MCTP1: variants seen among roughly 807,000 people sequenced by gnomAD.
MCTP1 encodes multiple C2 and transmembrane domain containing 1.
MCTP1 carries 69 observed loss-of-function variants against 120.6 expected under a neutral mutation model. That is an observed-to-expected ratio of 0.57 (90% CI 0.47 to 0.70). The LOEUF (loss-of-function observed/expected upper bound fraction) is 0.70. MCTP1 is among the 30% of genes least tolerant of loss of function. MCTP1 has a pLI of 0.00. For synonymous variants in MCTP1, 529 were observed against 493.1 expected (o/e 1.07, Z -0.96); for missense variants, 1,203 against 1,248.8 (o/e 0.96, Z 0.55).
At chr5:94,789,247 C>T (rs1439044767) in intron 18 of MCTP1, 1 of 152,240 alleles carries the variant, frequency 6.6e-6, no homozygotes, top group Non-Finnish European at 1.5e-5. Flanking sequence ...ATGAGAGTAA[C>T]TGGAAACAAC....
intron 1 of MCTP1, among the ~76,000 whole-genome samples, chr5:95,147,978 G>A (rs1338903707): frequency 6.6e-6 from 1 of 152,182 alleles, no homozygotes. Context: ...GGTGGGATAT[G>A]AGATTCTTGG....
At chr5:95,206,409 A>G (rs934487278) in intron 1 of MCTP1, among the ~76,000 whole-genome samples, 87 of 152,316 alleles carry the variant, frequency 5.7e-4, no homozygotes, top group African/African-American at 2.0e-3. Flanking sequence ...TTTGGGGGTT[A>G]TGAGTGAATT....
At chr5:94,751,154 C>G in intron 19 of MCTP1, among the ~76,000 whole-genome samples, 1 of 152,092 alleles carries the variant, frequency 6.6e-6, no homozygotes, top group East Asian at 1.9e-4. Context: ...ATATAACTTT[C>G]CTGACAGAGT....
In MCTP1 at chr5:94,903,330, A is replaced by G. The variant is rs148364161; in HGVS notation, c.1652+5921T>C. ...ACAGATAAAAAACATTCCAAATCAG[A>G]ATCTATGGAGTGTCAAATGCTCAAA... On this transcript the variant is annotated intron_variant, in intron 10 of 22. Transcript: ENST00000515393. Among the ~76,000 whole-genome samples the G allele has an allele frequency of 7.3e-3, 1,116 of 152,300 alleles. 12 individuals are homozygous for G. The highest frequency in any genetic ancestry group is 0.024 in the African/African-American group (1,012 of 41,564).
In MCTP1 at chr5:95,284,396, G is replaced by C. The variant is rs770726486; in HGVS notation, c.180C>G (p.Pro60=). The change falls in exon 1 of 23, where the codon CCC becomes CCG. Residue 60 remains proline, a synonymous_variant. Coordinates refer to ENST00000515393, the MANE Select transcript of MCTP1 (RefSeq NM_024717.7). The surrounding 1 kb of genome is among the most constrained non-coding windows in gnomAD (Gnocchi z 5.2). The part of the protein sequence containing the change: ...TADTPSPSPP[P]PVGTGNAPAR... ...CCGGTGCATTCCCTGTGCCCACCGG[G>C]GGTGGCGGGGAGGGCGACGGGGTGT... 6.3e-6 allele frequency: 10 copies of C among 1,591,372 alleles called. No homozygotes were observed. Among genetic ancestry groups the C allele is most frequent in the Middle Eastern group, 1.8e-4 (1 of 5,546 alleles).
chr5:95,024,506 C>A (rs533767377), intron 1 of MCTP1, among the ~76,000 whole-genome samples: 1 of 152,170 alleles, frequency 6.6e-6, no homozygotes, highest in South Asian at 2.1e-4. Flanking sequence ...TAACATCATG[C>A]TCAACACTGA....
chr5:94,970,815 A>C (rs1166318864), intron 2 of MCTP1, among the ~76,000 whole-genome samples: 1 of 152,024 alleles, frequency 6.6e-6, no homozygotes, highest in Non-Finnish European at 1.5e-5. Context: ...GAATATTTTA[A>C]AAAATAGACC....
At chr5:94,928,398 C>G (rs1013257370) in intron 6 of MCTP1, among the ~76,000 whole-genome samples, 6 of 152,036 alleles carry the variant, frequency 3.9e-5, no homozygotes, top group African/African-American at 1.4e-4. Context: ...AATAATTTAA[C>G]CTTAGAATAA....
At chr5:95,258,876 T>G (rs1267127388) in intron 1 of MCTP1, among the ~76,000 whole-genome samples, 2 of 152,196 alleles carry the variant, frequency 1.3e-5, no homozygotes, top group African/African-American at 4.8e-5. Flanking sequence ...CTGGTACAGG[T>G]AGCTTAAATC....
intron 1 of MCTP1, among the ~76,000 whole-genome samples, chr5:95,164,534 C>T (rs1257850901): frequency 6.6e-6 from 1 of 152,048 alleles, no homozygotes; most frequent in African/African-American, 2.4e-5. Context: ...TCTTAGGTTA[C>T]AAGACAAAAT....
intron 19 of MCTP1, among the ~76,000 whole-genome samples, chr5:94,755,721 G>C (rs1395920297): frequency 6.6e-6 from 1 of 152,022 alleles, no homozygotes; most frequent in Non-Finnish European, 1.5e-5. Context: ...TCCTCCCGTT[G>C]CCCTTTAAAT....
intron 1 of MCTP1, among the ~76,000 whole-genome samples, chr5:95,263,566 CTGAGT>C (rs1333249191): frequency 6.6e-6 from 1 of 152,148 alleles, no homozygotes; most frequent in Non-Finnish European, 1.5e-5. Context: ...AAGAACCTAG[CTGAGT>C]TAATTCATGC....
intron 1 of MCTP1, among the ~76,000 whole-genome samples, chr5:95,210,904 T>C (rs1752284913): frequency 6.6e-6 from 1 of 152,170 alleles, no homozygotes. Flanking sequence ...TGCTTGTGTG[T>C]AAAGGATTTT....
At chr5:95,039,139 C>T (rs1314001317) in intron 1 of MCTP1, among the ~76,000 whole-genome samples, 1 of 151,980 alleles carries the variant, frequency 6.6e-6, no homozygotes, top group Non-Finnish European at 1.5e-5. Flanking sequence ...ACTTAGTATC[C>T]TATGGTAAAA....
intron 5 of MCTP1, among the ~76,000 whole-genome samples, chr5:94,938,557 A>T (rs998242654): frequency 2.0e-5 from 3 of 151,964 alleles, no homozygotes; most frequent in African/African-American, 7.2e-5. Context: ...CCTGGCTAGT[A>T]AAAATTTTCC....
At position 95,025,118 on chromosome 5, in the gene MCTP1, T is replaced by G. The variant is rs537887593; in HGVS notation, c.721-7634A>C. Among the ~76,000 whole-genome samples the G allele has an allele frequency of 1.4e-4, 21 of 152,274 alleles. No homozygotes were observed. In the South Asian group the frequency reaches 4.3e-3, roughly 32 times the overall value. On this transcript the variant is annotated intron_variant, in intron 1 of 22. Coordinates refer to ENST00000515393, the MANE Select transcript of MCTP1 (RefSeq NM_024717.7). Reference sequence around the variant, plus strand: ...CAACCCTGAATGACCAAAGCCATCTTCAGTGAAAAGAACGAAGCTAGAGGC... The same window carrying G: ...CAACCCTGAATGACCAAAGCCATCTGCAGTGAAAAGAACGAAGCTAGAGGC...
chr5:94,822,339 T>C (rs1264557691), intron 17 of MCTP1, among the ~76,000 whole-genome samples: 1 of 152,216 alleles, frequency 6.6e-6, no homozygotes, highest in South Asian at 2.1e-4. Flanking sequence ...GTTAGTTCGC[T>C]GAGAATGATG....
chr5:95,176,232 G>A (rs966920716), intron 1 of MCTP1, among the ~76,000 whole-genome samples: 4 of 151,982 alleles, frequency 2.6e-5, no homozygotes, highest in African/African-American at 7.3e-5. Flanking sequence ...ACATAAGAAC[G>A]AGCAGTAGTA....
intron 3 of MCTP1, among the ~76,000 whole-genome samples, chr5:94,946,275 G>A (rs981295666): frequency 3.3e-5 from 5 of 152,234 alleles, no homozygotes; most frequent in South Asian, 2.1e-4. Flanking sequence ...GTGGGGAAGC[G>A]TGAGCTGCTT....
Sources: gnomAD v4.1 joint callset for allele counts (sites outside exome capture counted in the v4.1 genomes callset) on GRCh38, gnomAD v4.1.1 for gene constraint, Gnocchi (gnomAD v3.1) non-coding constraint, MANE v1.5 for transcripts, NCBI Gene and HGNC (gene_info 2026-07-23, HGNC 2026-07-21) for gene names.